Variants in OR51C1 observed in about 807,000 individuals in gnomAD.
OR51C1 encodes olfactory receptor OR51C1.
chr11:4,694,540 G>T, the OR51C1 span, among the ~76,000 whole-genome samples: 2 of 125,462 alleles, frequency 1.6e-5, no homozygotes, highest in Non-Finnish European at 3.4e-5. Context: ...ACATATATAC[G>T]TATATATATA....
At chr11:4,696,987 T>G in the OR51C1 span, among the ~76,000 whole-genome samples, 1 of 152,262 alleles carries the variant, frequency 6.6e-6, no homozygotes, top group African/African-American at 2.4e-5. Context: ...TACCATTTAC[T>G]GGACACGTGT....
chr11:4,694,575 T>TACGC, the OR51C1 span, among the ~76,000 whole-genome samples: 1 of 147,872 alleles, frequency 6.8e-6, no homozygotes, highest in East Asian at 2.0e-4. Flanking sequence ...CATATATATA[T>TACGC]ACACACACAC....
the OR51C1 span, chr11:4,692,083 G>C: frequency 2.4e-6 from 1 of 421,530 alleles, no homozygotes. Context: ...GTGCTAAAGA[G>C]GTAGTGCATT....
chr11:4,692,292 G>T, the OR51C1 span: 1 of 325,836 alleles, frequency 3.1e-6, no homozygotes, highest in South Asian at 2.6e-5. Flanking sequence ...AACCATTAAA[G>T]AAACCCTTAC....
the OR51C1 span, chr11:4,691,806 T>C: frequency 3.1e-6 from 1 of 318,072 alleles, no homozygotes; most frequent in Non-Finnish European, 6.2e-6. Flanking sequence ...AGAAAACTGA[T>C]GAGTATTTAT....
At chr11:4,694,351 C>G in the OR51C1 span, among the ~76,000 whole-genome samples, 4 of 151,982 alleles carry the variant, frequency 2.6e-5, no homozygotes, top group African/African-American at 9.7e-5. Flanking sequence ...CTTCCTGCAT[C>G]CTTCCTACGT....
At chr11:4,694,519 T>C in the OR51C1 span, among the ~76,000 whole-genome samples, 9 of 141,646 alleles carry the variant, frequency 6.4e-5, no homozygotes, top group East Asian at 2.2e-4. Context: ...CATATATATA[T>C]ATACACACAC....
chr11:4,696,467 C>G, the OR51C1 span, among the ~76,000 whole-genome samples: 2 of 152,118 alleles, frequency 1.3e-5, no homozygotes, highest in Non-Finnish European at 2.9e-5. Flanking sequence ...AGATGAGAAC[C>G]TCGGGAGGTC....
chr11:4,690,799 G>A, the OR51C1 span: 825 of 431,158 alleles, frequency 1.9e-3, 9 homozygotes, highest in South Asian at 0.013. Flanking sequence ...ACAGCTCTAC[G>A]TATCTGTTTG....
the OR51C1 span, among the ~76,000 whole-genome samples, chr11:4,695,718 A>G: frequency 6.6e-6 from 1 of 151,518 alleles, no homozygotes; most frequent in African/African-American, 2.4e-5. Context: ...AGCAATGTTT[A>G]CCTCCTCCTC....
At chr11:4,690,796 T>C in the OR51C1 span, 11 of 429,804 alleles carry the variant, frequency 2.6e-5, no homozygotes, top group African/African-American at 1.8e-4. Flanking sequence ...ATCACAGCTC[T>C]ACGTATCTGT....
chr11:4,697,051 A>G, the OR51C1 span, among the ~76,000 whole-genome samples: 1 of 152,200 alleles, frequency 6.6e-6, no homozygotes, highest in South Asian at 2.1e-4. Flanking sequence ...AATTCTTACT[A>G]TGTCATCATG....
chr11:4,692,003 C>T, the OR51C1 span, among the ~76,000 whole-genome samples: 1 of 152,148 alleles, frequency 6.6e-6, no homozygotes, highest in South Asian at 2.1e-4. Flanking sequence ...CCATAGATAA[C>T]CAAACTAAGA....
the OR51C1 span, chr11:4,690,977 T>G: frequency 1.1e-4 from 49 of 454,626 alleles, no homozygotes; most frequent in South Asian, 7.7e-4. Context: ...GGGAGACACA[T>G]GTACTGAAGG....
the OR51C1 span, chr11:4,692,275 A>G: frequency 2.8e-6 from 1 of 354,872 alleles, no homozygotes; most frequent in Non-Finnish European, 5.6e-6. Flanking sequence ...AAATGGCTTC[A>G]GCATCTAACC....
chr11:4,691,724 G>A, the OR51C1 span: 10 of 348,798 alleles, frequency 2.9e-5, no homozygotes, highest in Middle Eastern at 3.8e-4. Context: ...AGTACAGAAC[G>A]AGATGAGAGC....
At chr11:4,694,570 A>G in the OR51C1 span, among the ~76,000 whole-genome samples, 1 of 119,346 alleles carries the variant, frequency 8.4e-6, no homozygotes, top group Admixed American at 8.7e-5. Flanking sequence ...ACATACATAT[A>G]TATATACACA....
At chr11:4,691,124 G>A in the OR51C1 span, 2 of 456,562 alleles carry the variant, frequency 4.4e-6, no homozygotes, top group African/African-American at 2.0e-5. Context: ...TGATTCTGGT[G>A]TCTGTGCATG....
chr11:4,694,571 T>TAC, the OR51C1 span, among the ~76,000 whole-genome samples: 22 of 119,698 alleles, frequency 1.8e-4, no homozygotes, highest in Non-Finnish European at 2.9e-4. Context: ...CATACATATA[T>TAC]ATATACACAC....
Sources: gnomAD v4.1 joint callset for allele counts (sites outside exome capture counted in the v4.1 genomes callset) on GRCh38, gnomAD v4.1.1 for gene constraint, MANE v1.5 for transcripts, NCBI Gene and HGNC (gene_info 2026-07-23, HGNC 2026-07-21) for gene names.